Variants in SEZ6 observed in about 807,000 individuals in gnomAD.
SEZ6 encodes seizure protein 6 homolog.
In SEZ6, 53 loss-of-function variants were observed where a neutral mutation model predicts 101.0. The ratio of observed to expected loss-of-function variants is 0.52; its 90% CI spans 0.42 to 0.66. The LOEUF is 0.66. SEZ6 is among the 30% of genes least tolerant of loss of function. The probability of loss-of-function intolerance (pLI) is 0.00; values close to 1 mark genes in which losing one functional copy is unlikely to be tolerated. For missense variants in SEZ6, 1,102 were observed against 1,289.4 expected (o/e 0.85, Z 2.23); for synonymous variants, 488 against 512.2 (o/e 0.95, Z 0.64).
chr17:28,991,364 C>T (rs556626368), intron 1 of SEZ6, among the ~76,000 whole-genome samples: 1 of 152,124 alleles, frequency 6.6e-6, no homozygotes, highest in African/African-American at 2.4e-5. Context: ...GCCACTACGC[C>T]TGGCTAATTT....
At chr17:28,956,043 CT>C in intron 16 of SEZ6, 49 bp from the exon 17 acceptor site, 3 of 1,607,804 alleles carry the variant, frequency 1.9e-6, no homozygotes, top group Non-Finnish European at 2.6e-6. Flanking sequence ...CATAATTCAC[CT>C]TCCCTAGGAA....
chr17:28,956,500 G>T, intron 14 of SEZ6, 33 bp from the exon 15 acceptor site: 1 of 1,539,390 alleles, frequency 6.5e-7, no homozygotes, highest in East Asian at 2.4e-5. Flanking sequence ...TGGAGCAGAG[G>T]TCTCTGTCAC....
chr17:28,982,777 C>T (rs1478958794), intron 1 of SEZ6, among the ~76,000 whole-genome samples: 1 of 152,158 alleles, frequency 6.6e-6, no homozygotes, highest in African/African-American at 2.4e-5. Flanking sequence ...ACCTCAGCCA[C>T]AGTCCCCACA....
intron 4 of SEZ6, among the ~76,000 whole-genome samples, chr17:28,968,408 T>G (rs2041102101): frequency 6.6e-6 from 1 of 152,256 alleles, no homozygotes; most frequent in African/African-American, 2.4e-5. Context: ...TTCAGCCACC[T>G]TTGTCTGGCC....
At position 28,959,752 on chromosome 17, in the gene SEZ6, CGAT is replaced by C; in HGVS notation, c.1714_1716del (p.Ile572del). On this transcript the variant is annotated inframe_deletion, in exon 8 of 17. Transcript: ENST00000317338. This position sits in a 1 kb window ranked among gnomAD's most constrained non-coding sequence, Gnocchi z 4.4. ...TGGGGGTCGTGGGGGTCAACACACT[CGAT>C]GATGATGGAGCCCTGCTCCAGGGTG... 1 of 1,612,196 alleles carries C rather than the reference CGAT, an allele frequency of 6.2e-7. No homozygotes were observed.
At chr17:28,962,706 G>A (rs1334107729) in intron 5 of SEZ6, among the ~76,000 whole-genome samples, 40 of 151,580 alleles carry the variant, frequency 2.6e-4, no homozygotes, top group Non-Finnish European at 3.8e-4. Flanking sequence ...GCTTGAACCC[G>A]GGAGGTGGAG....
intron 1 of SEZ6, among the ~76,000 whole-genome samples, chr17:28,988,085 C>T (rs2041406972): frequency 6.6e-6 from 1 of 152,212 alleles, no homozygotes; most frequent in South Asian, 2.1e-4. Context: ...CAGAGATACA[C>T]TCAAAAGGAA....
At chr17:28,995,446 T>G (rs930740344) in intron 1 of SEZ6, among the ~76,000 whole-genome samples, 1 of 151,084 alleles carries the variant, frequency 6.6e-6, no homozygotes, top group African/African-American at 2.4e-5. Context: ...TGCTGTGTGC[T>G]AGACTCCATG....
intron 2 of SEZ6, among the ~76,000 whole-genome samples, chr17:28,980,932 G>C (rs2041291684): frequency 6.6e-6 from 1 of 152,156 alleles, no homozygotes; most frequent in Non-Finnish European, 1.5e-5. Context: ...GTCTCGCTCT[G>C]TTGCCCAGGC....
chr17:29,005,078 G>GGTGT lies in SEZ6; in HGVS notation c.55+733_55+736dup, dbSNP rs58063439. On this transcript the variant is annotated intron_variant, in intron 1 of 16. Coordinates refer to ENST00000317338, the MANE Select transcript of SEZ6 (RefSeq NM_178860.5). The surrounding 1 kb of genome is among the most constrained non-coding windows in gnomAD (Gnocchi z 4.8). ...GGAGGGAGGCAGAGCTCGGGGCAGTGGTGTGTGTGTGTGTGTGTGTGTGTG... is the reference window on the plus strand; with the variant it reads ...GGAGGGAGGCAGAGCTCGGGGCAGTGGTGTGTGTGTGTGTGTGTGTGTGTGTGTG... 0.094 allele frequency among the ~76,000 whole-genome samples: 12,874 copies of GGTGT among 137,606 alleles called. 628 individuals carry two copies. The highest frequency in any genetic ancestry group is 0.11 in the Non-Finnish European group (7,043 of 63,624). 90.3% of individuals were successfully genotyped at this position (137,606 alleles called of 152,430 possible). A position where few individuals can be genotyped will look rare whatever the true frequency, so the allele number is the denominator to read the frequency against.
At chr17:28,991,666 C>T (rs889055892) in intron 1 of SEZ6, among the ~76,000 whole-genome samples, 2 of 152,178 alleles carry the variant, frequency 1.3e-5, no homozygotes, top group African/African-American at 4.8e-5. Flanking sequence ...TGCTCCCCTC[C>T]TTTCGGGTCT....
At chr17:28,982,901 T>C (rs1291183209) in intron 1 of SEZ6, among the ~76,000 whole-genome samples, 3 of 152,174 alleles carry the variant, frequency 2.0e-5, no homozygotes, top group Non-Finnish European at 4.4e-5. Flanking sequence ...CTCAAACTCC[T>C]GGGCTCAAGC....
At chr17:28,982,137 A>G in intron 1 of SEZ6, 98 bp from the exon 2 acceptor site, 2 of 1,449,126 alleles carry the variant, frequency 1.4e-6, no homozygotes, top group Non-Finnish European at 1.8e-6. Flanking sequence ...CTTTTGACAG[A>G]CAGCCCTGAG....
chr17:28,983,920 A>G (rs1445813639), intron 1 of SEZ6, among the ~76,000 whole-genome samples: 1 of 151,968 alleles, frequency 6.6e-6, no homozygotes, highest in Non-Finnish European at 1.5e-5. Context: ...TCAGGAGACC[A>G]TAGCAGCTCT....
In SEZ6 at chr17:28,959,883, T is replaced by A; in HGVS notation, c.1586A>T (p.Gln529Leu). ...GACAAAGGGCTCATAGCAATGGCCC[T>A]GCTGGAAGGCTGTAAACCACAGGTC... ...GMALRYEAFQ[Q>L]GHCYEPFVKY... The change falls in exon 8 of 17, where the codon CAG (glutamine) becomes CTG (leucine). Residue 529 changes from glutamine (Q) to leucine (L), a missense_variant. This residue lies in a region of SEZ6 where 556 missense variants were observed against 735.1 expected (regional missense o/e 0.76). Coordinates refer to ENST00000317338, the MANE Select transcript of SEZ6 (RefSeq NM_178860.5). The surrounding 1 kb of genome is among the most constrained non-coding windows in gnomAD (Gnocchi z 4.4). The A allele has an allele frequency of 6.2e-7, 1 of 1,608,790 alleles. No homozygotes were observed. Among genetic ancestry groups the A allele is most frequent in the Non-Finnish European group, 8.5e-7 (1 of 1,177,648 alleles).
At chr17:28,991,052 T>A (rs1440679225) in intron 1 of SEZ6, among the ~76,000 whole-genome samples, 1 of 149,286 alleles carries the variant, frequency 6.7e-6, no homozygotes, top group Non-Finnish European at 1.5e-5. Flanking sequence ...ACTACAGGCA[T>A]GTGCCACCAT....
At chr17:28,983,728 T>G (rs2041340860) in intron 1 of SEZ6, among the ~76,000 whole-genome samples, 2 of 152,098 alleles carry the variant, frequency 1.3e-5, no homozygotes, top group African/African-American at 4.8e-5. Flanking sequence ...TTCTGATCCT[T>G]ACAGCTCTCA....
intron 3 of SEZ6, among the ~76,000 whole-genome samples, chr17:28,978,367 C>T (rs532334671): frequency 1.3e-5 from 2 of 152,342 alleles, no homozygotes; most frequent in East Asian, 3.9e-4. Flanking sequence ...CACTACAAGG[C>T]ACCCCTTAAG....
At chr17:28,961,541 G>A (rs999269981) in intron 5 of SEZ6, among the ~76,000 whole-genome samples, 32 of 152,186 alleles carry the variant, frequency 2.1e-4, no homozygotes, top group African/African-American at 7.0e-4. Flanking sequence ...ACTAGATCCG[G>A]GCGGCAAACA....
Sources: gnomAD v4.1 joint callset for allele counts (sites outside exome capture counted in the v4.1 genomes callset) on GRCh38, gnomAD v4.1.1 for gene constraint, gnomAD v4.1.1 regional missense constraint, Gnocchi (gnomAD v3.1) non-coding constraint, MANE v1.5 for transcripts, NCBI Gene and HGNC (gene_info 2026-07-23, HGNC 2026-07-21) for gene names.